BMAL1: variants seen among roughly 807,000 people sequenced by gnomAD.
BMAL1 encodes basic helix-loop-helix ARNT like 1.
At chr11:13,340,374 G>A in the BMAL1 span, among the ~76,000 whole-genome samples, 1 of 152,200 alleles carries the variant, frequency 6.6e-6, no homozygotes, top group Non-Finnish European at 1.5e-5. Context: ...CATTGTCCTT[G>A]CTTTCTACAT....
chr11:13,386,292 C>A, the BMAL1 span, among the ~76,000 whole-genome samples: 3 of 152,078 alleles, frequency 2.0e-5, no homozygotes, highest in Admixed American at 6.5e-5. Flanking sequence ...AAGCTTGACT[C>A]AAATATTTTT....
chr11:13,303,256 G>GA, the BMAL1 span, among the ~76,000 whole-genome samples: 2,153 of 152,230 alleles, frequency 0.014, 17 homozygotes, highest in African/African-American at 0.025. Flanking sequence ...GGCAACAAAT[G>GA]ATTGTCTGCA....
At chr11:13,348,744 C>G in the BMAL1 span, among the ~76,000 whole-genome samples, 2 of 152,180 alleles carry the variant, frequency 1.3e-5, no homozygotes, top group African/African-American at 2.4e-5. Flanking sequence ...TGTGCCCAGA[C>G]TGGGGTTAAC....
the BMAL1 span, among the ~76,000 whole-genome samples, chr11:13,350,937 C>A: frequency 6.6e-6 from 1 of 152,154 alleles, no homozygotes; most frequent in Non-Finnish European, 1.5e-5. Flanking sequence ...TTTATTCGTT[C>A]ATTCAATATT....
the BMAL1 span, among the ~76,000 whole-genome samples, chr11:13,342,170 A>G: frequency 6.6e-6 from 1 of 151,934 alleles, no homozygotes; most frequent in Non-Finnish European, 1.5e-5. Context: ...CTGGGGGAAA[A>G]CTCTTGCAAA....
At chr11:13,328,571 GA>G in the BMAL1 span, among the ~76,000 whole-genome samples, 1 of 152,270 alleles carries the variant, frequency 6.6e-6, no homozygotes, top group African/African-American at 2.4e-5. Flanking sequence ...GAAAGGAACA[GA>G]ATCCTTTCAT....
chr11:13,320,118 C>A, the BMAL1 span, among the ~76,000 whole-genome samples: 1 of 152,220 alleles, frequency 6.6e-6, no homozygotes, highest in African/African-American at 2.4e-5. Context: ...AATTCTCAGC[C>A]AGGGGCCTTA....
At chr11:13,381,295 G>T in the BMAL1 span, 1 of 1,597,448 alleles carries the variant, frequency 6.3e-7, no homozygotes, top group South Asian at 1.1e-5. Flanking sequence ...AGAACCTCTT[G>T]CCCAAGATCT....
chr11:13,341,151 T>TGCCACTTGCTTCCTCTTCTGCC, the BMAL1 span, among the ~76,000 whole-genome samples: 68 of 152,352 alleles, frequency 4.5e-4, no homozygotes, highest in African/African-American at 1.6e-3. Flanking sequence ...CTTCTTCTGC[T>TGCCACTTGCTTCCTCTTCTGCC]GCCACTTGCT....
At chr11:13,350,089 CT>C in the BMAL1 span, 5 of 152,212 alleles carry the variant, frequency 3.3e-5, no homozygotes, top group African/African-American at 1.2e-4. Context: ...GTAGTATCCC[CT>C]CCCTGCCCCC....
At chr11:13,360,340 C>G in the BMAL1 span, 5 of 1,610,384 alleles carry the variant, frequency 3.1e-6, no homozygotes, top group South Asian at 1.1e-5. Flanking sequence ...CTTTTTGCCC[C>G]TAAGGTGCCA....
chr11:13,356,775 A>G, the BMAL1 span: 1 of 1,614,140 alleles, frequency 6.2e-7, no homozygotes, highest in Non-Finnish European at 8.5e-7. Flanking sequence ...ACCCTCATGG[A>G]AGGTACCATG....
the BMAL1 span, chr11:13,381,309 A>G: frequency 1.2e-5 from 19 of 1,568,784 alleles, no homozygotes; most frequent in African/African-American, 2.4e-4. Flanking sequence ...AAGATCTGAA[A>G]TGTTGGGGGT....
At chr11:13,342,934 G>C in the BMAL1 span, among the ~76,000 whole-genome samples, 1 of 152,184 alleles carries the variant, frequency 6.6e-6, no homozygotes, top group Non-Finnish European at 1.5e-5. Flanking sequence ...ACATTAGCTA[G>C]TTGTCTTATG....
the BMAL1 span, among the ~76,000 whole-genome samples, chr11:13,371,885 GGAGCCTTCCTCTCCCTAGGAAGAGTTA>G: frequency 3.3e-5 from 5 of 152,102 alleles, no homozygotes; most frequent in African/African-American, 1.2e-4. Flanking sequence ...GTTTTTTGGG[GGAGCCTTCCTCTCCCTAGGAAGAGTTA>G]GATATTCCTT....
the BMAL1 span, among the ~76,000 whole-genome samples, chr11:13,315,949 A>G: frequency 1.1e-4 from 17 of 152,308 alleles, no homozygotes; most frequent in Non-Finnish European, 1.9e-4. Flanking sequence ...CGTCACCCTC[A>G]CTTCCATGGT....
the BMAL1 span, among the ~76,000 whole-genome samples, chr11:13,344,880 G>C: frequency 6.6e-6 from 1 of 152,222 alleles, no homozygotes; most frequent in Non-Finnish European, 1.5e-5. Flanking sequence ...TGCCATGGCT[G>C]TTTGGGCTGG....
the BMAL1 span, among the ~76,000 whole-genome samples, chr11:13,317,038 T>C: frequency 1.2e-4 from 18 of 152,190 alleles, no homozygotes; most frequent in African/African-American, 4.3e-4. Flanking sequence ...AGAATAACCT[T>C]TATAAGGTTC....
chr11:13,357,010 C>T, the BMAL1 span: 1 of 1,613,748 alleles, frequency 6.2e-7, no homozygotes. The surrounding 1 kb of genome is among the most constrained non-coding windows in gnomAD (Gnocchi z 4.8). Context: ...TGCCATTCAT[C>T]TCCAGAGAAT....
Sources: gnomAD v4.1 joint callset for allele counts (sites outside exome capture counted in the v4.1 genomes callset) on GRCh38, gnomAD v4.1.1 for gene constraint, Gnocchi (gnomAD v3.1) non-coding constraint, MANE v1.5 for transcripts, NCBI Gene and HGNC (gene_info 2026-07-23, HGNC 2026-07-21) for gene names.